Variants in KDM4C observed in about 807,000 individuals in gnomAD.
KDM4C encodes lysine-specific demethylase 4C.
Under a neutral mutation model 129.3 loss-of-function variants are expected in KDM4C, and 81 were observed. The observed-to-expected ratio is 0.63, with a 90% CI of 0.52 to 0.75. KDM4C has a LOEUF of 0.75. Among genes scored for constraint, KDM4C ranks in the 30% least tolerant of loss-of-function variants. KDM4C has a pLI of 0.00. For synonymous variants in KDM4C, 573 were observed against 456.1 expected, an observed-to-expected ratio of 1.26 and a Z score of -3.26; for missense variants, 1,457 against 1,304.0, an observed-to-expected ratio of 1.12 and a Z score of -1.81.
At chr9:7,104,389 CTA>C (rs1837443967) in intron 18 of KDM4C, 2 of 152,554 alleles carry the variant, frequency 1.3e-5, no homozygotes, top group South Asian at 4.1e-4. Context: ...ACTTTGCTGC[CTA>C]AAATGGCATA....
intron 8 of KDM4C, among the ~76,000 whole-genome samples, chr9:6,936,697 A>C (rs1174632930): frequency 6.6e-6 from 1 of 152,200 alleles, no homozygotes; most frequent in East Asian, 1.9e-4. Flanking sequence ...TGTGAAAACA[A>C]TATTTTGGGA....
chr9:6,865,843 C>T (rs532655832), intron 5 of KDM4C, among the ~76,000 whole-genome samples: 9 of 152,156 alleles, frequency 5.9e-5, no homozygotes, highest in South Asian at 4.2e-4. Flanking sequence ...CTCTGCTTCC[C>T]GGGTTCACGC....
intron 8 of KDM4C, among the ~76,000 whole-genome samples, chr9:6,929,440 G>A (rs1344848866): frequency 1.3e-5 from 2 of 149,616 alleles, no homozygotes; most frequent in African/African-American, 2.5e-5. Flanking sequence ...TTTTCACAAA[G>A]CAGTGTACAC....
At chr9:7,008,724 G>A (rs1822140038) in intron 12 of KDM4C, among the ~76,000 whole-genome samples, 1 of 152,178 alleles carries the variant, frequency 6.6e-6, no homozygotes, top group Non-Finnish European at 1.5e-5. Flanking sequence ...CCAAGCTTCA[G>A]TTCTTACATG....
intron 8 of KDM4C, among the ~76,000 whole-genome samples, chr9:6,955,540 A>G (rs1471255434): frequency 6.6e-6 from 1 of 152,084 alleles, no homozygotes; most frequent in Non-Finnish European, 1.5e-5. Context: ...TTGCCTGCAT[A>G]TTTGCATGGA....
intron 1 of KDM4C, among the ~76,000 whole-genome samples, chr9:6,774,577 A>G (rs1184231024): frequency 6.6e-6 from 1 of 152,202 alleles, no homozygotes; most frequent in Non-Finnish European, 1.5e-5. Context: ...AAGCAGGAGA[A>G]TCACTTGAAC....
chr9:6,946,313 G>T (rs1257414423), intron 8 of KDM4C, among the ~76,000 whole-genome samples: 1 of 151,982 alleles, frequency 6.6e-6, no homozygotes, highest in African/African-American at 2.4e-5. Context: ...ATTATATAGA[G>T]ATGTACCTGA....
intron 3 of KDM4C, among the ~76,000 whole-genome samples, chr9:6,812,130 G>T (rs1158960894): frequency 6.6e-6 from 1 of 151,796 alleles, no homozygotes; most frequent in African/African-American, 2.4e-5. Flanking sequence ...CCAGCTACTC[G>T]GGAGGCTGAG....
intron 8 of KDM4C, among the ~76,000 whole-genome samples, chr9:6,971,762 G>A (rs970544480): frequency 2.6e-5 from 4 of 152,038 alleles, no homozygotes; most frequent in African/African-American, 9.7e-5. Flanking sequence ...ATCTAATCAA[G>A]GGTTCTACAC....
At chr9:6,840,082 T>C (rs190444102) in intron 4 of KDM4C, among the ~76,000 whole-genome samples, 1 of 150,190 alleles carries the variant, frequency 6.7e-6, no homozygotes, top group Non-Finnish European at 1.5e-5. Context: ...TAATTTCCTC[T>C]TTTTTTTTGG....
At chr9:6,744,922 A>G (rs1817826890) in intron 1 of KDM4C, among the ~76,000 whole-genome samples, 1 of 152,010 alleles carries the variant, frequency 6.6e-6, no homozygotes, top group Non-Finnish European at 1.5e-5. Flanking sequence ...CCCTGCAGAA[A>G]CATGCCTCCA....
intron 8 of KDM4C, among the ~76,000 whole-genome samples, chr9:6,920,093 T>C (rs192042416): frequency 6.6e-6 from 1 of 151,418 alleles, no homozygotes; most frequent in Non-Finnish European, 1.5e-5. Flanking sequence ...AGAACTGGAG[T>C]TGTCACTCCA....
intron 17 of KDM4C, among the ~76,000 whole-genome samples, chr9:7,100,913 T>C (rs1319197167): frequency 6.6e-6 from 1 of 152,192 alleles, no homozygotes; most frequent in African/African-American, 2.4e-5. Flanking sequence ...TTAGTTCTTA[T>C]CTACTTTGGT....
chr9:7,032,553 T>G (rs1332320743), intron 15 of KDM4C, among the ~76,000 whole-genome samples: 1 of 152,254 alleles, frequency 6.6e-6, no homozygotes, highest in East Asian at 1.9e-4. Context: ...GGATAGACTT[T>G]TCTTTATTTC....
chr9:6,799,237 G>A (rs571963239), intron 2 of KDM4C, among the ~76,000 whole-genome samples: 3 of 152,314 alleles, frequency 2.0e-5, no homozygotes, highest in South Asian at 4.1e-4. Context: ...AGGTTGTAGC[G>A]ACGCGAGATC....
chr9:6,829,679 A>T (rs949571916), intron 4 of KDM4C, among the ~76,000 whole-genome samples: 3 of 152,136 alleles, frequency 2.0e-5, no homozygotes, highest in Non-Finnish European at 4.4e-5. Context: ...GGATGGTTAG[A>T]GCTTGAACAC....
intron 8 of KDM4C, among the ~76,000 whole-genome samples, chr9:6,932,448 T>C (rs1823926217): frequency 6.6e-6 from 1 of 152,220 alleles, no homozygotes; most frequent in East Asian, 1.9e-4. Flanking sequence ...AGAAAACTTT[T>C]GTTGAAAAAC....
chr9:6,736,937 G>A (rs1797012098), intron 1 of KDM4C, among the ~76,000 whole-genome samples: 1 of 150,344 alleles, frequency 6.7e-6, no homozygotes, highest in African/African-American at 2.4e-5. Context: ...TGTAGTCCCA[G>A]ATACTTGGGA....
At chr9:7,120,666 T>C (rs1839393947) in intron 18 of KDM4C, among the ~76,000 whole-genome samples, 1 of 152,226 alleles carries the variant, frequency 6.6e-6, no homozygotes, top group African/African-American at 2.4e-5. Flanking sequence ...ATTTTTTTCT[T>C]ATATCACATT....
Sources: gnomAD v4.1 joint callset for allele counts (sites outside exome capture counted in the v4.1 genomes callset) on GRCh38, gnomAD v4.1.1 for gene constraint, MANE v1.5 for transcripts, NCBI Gene and HGNC (gene_info 2026-07-23, HGNC 2026-07-21) for gene names.